DAB1: variants seen among roughly 807,000 people sequenced by gnomAD.
DAB1 encodes the protein disabled homolog 1.
In DAB1, 15 loss-of-function variants were observed where a neutral mutation model predicts 64.6. The observed-to-expected ratio is 0.23, with a 90% CI of 0.16 to 0.36. The LOEUF (loss-of-function observed/expected upper bound fraction) is 0.36, where lower values mean the gene tolerates loss of function less well. Ranked by LOEUF, DAB1 falls within the 10% of genes least tolerant of loss-of-function variation. DAB1 has a pLI of 1.00. For synonymous variants in DAB1, 235 were observed against 251.9 expected, an observed-to-expected ratio of 0.93 and a Z score of 0.64; for missense variants, 596 against 706.7, an observed-to-expected ratio of 0.84 and a Z score of 1.78.
intron 5 of DAB1, among the ~76,000 whole-genome samples, chr1:58,031,989 C>CGTGT (rs59449665): frequency 0.033 from 4,729 of 141,796 alleles, 100 homozygotes; most frequent in Middle Eastern, 0.077. Context: ...CTGATAGAAA[C>CGTGT]GTGTGTGTGT....
chr1:58,369,397 T>G (rs781765111), intron 3 of DAB1, among the ~76,000 whole-genome samples: 3 of 152,352 alleles, frequency 2.0e-5, no homozygotes, highest in Admixed American at 2.0e-4. Flanking sequence ...ATTTCTGAGA[T>G]CTTGATGAAC....
intron 4 of DAB1, among the ~76,000 whole-genome samples, chr1:57,075,426 T>C (rs985976473): frequency 6.6e-6 from 1 of 152,240 alleles, no homozygotes; most frequent in African/African-American, 2.4e-5. Context: ...TTTTATGACA[T>C]GTTAAAAAGG....
At chr1:57,541,027 G>A (rs2805850) in intron 7 of DAB1, among the ~76,000 whole-genome samples, 135,616 of 152,270 alleles carry the variant, frequency 0.89, 62,522 homozygotes, top group East Asian at 1. Context: ...ATGGAGATCC[G>A]AAACACTCTG....
At chr1:58,300,588 GAAAGAAAGAAAGAAAGAAAGAA>G (rs1557725971) in intron 4 of DAB1, among the ~76,000 whole-genome samples, 1,976 of 26,376 alleles carry the variant, frequency 0.075, 71 homozygotes, top group Middle Eastern at 0.17. Flanking sequence ...AAGAAAGAAA[GAAAGAAAGAAAGAAAGAAAGAA>G]AGAGAGAGAG....
chr1:57,912,895 A>C (rs1283205650), intron 5 of DAB1, among the ~76,000 whole-genome samples: 3 of 152,350 alleles, frequency 2.0e-5, no homozygotes, highest in Middle Eastern at 3.4e-3. Context: ...AGGGATGTGA[A>C]GGACCTCTTC....
At chr1:57,405,589 C>G (rs528653875) in intron 1 of DAB1, among the ~76,000 whole-genome samples, 2 of 152,186 alleles carry the variant, frequency 1.3e-5, no homozygotes, top group Non-Finnish European at 2.9e-5. Flanking sequence ...GGATTTCACA[C>G]GAAAACAAGA....
intron 3 of DAB1, among the ~76,000 whole-genome samples, chr1:57,139,962 C>G (rs1428465684): frequency 6.6e-6 from 1 of 152,112 alleles, no homozygotes; most frequent in Non-Finnish European, 1.5e-5. Context: ...CCCATCTTAT[C>G]AAGCATGTTT....
chr1:58,210,757 C>T (rs1406774817), intron 4 of DAB1, among the ~76,000 whole-genome samples: 2 of 152,080 alleles, frequency 1.3e-5, no homozygotes, highest in Non-Finnish European at 2.9e-5. Flanking sequence ...TGTTGGTGAG[C>T]ATAACTTACT....
rs749024386 is a variant in DAB1 at position 57,443,624 on chromosome 1, C to T, written n.626-152458G>A. On this transcript the variant is annotated intron_variant and non_coding_transcript_variant, in intron 7 of 20. Transcript: ENST00000485760. ...TGTATCACTTAGTTATTATTAATCC[C>T]CATATTATGAGCACACTTGTTAAAT... Among the ~76,000 whole-genome samples the T allele has an allele frequency of 2.0e-5, 3 of 152,178 alleles. No homozygotes were observed. In the South Asian group the frequency reaches 6.2e-4, roughly 32 times the overall value.
chr1:58,526,678 T>C (rs1035583769), intron 2 of DAB1, among the ~76,000 whole-genome samples: 1 of 150,522 alleles, frequency 6.6e-6, no homozygotes, highest in Non-Finnish European at 1.5e-5. Flanking sequence ...ATTTAAATGG[T>C]AGAAAATCAG....
intron 7 of DAB1, among the ~76,000 whole-genome samples, chr1:57,635,941 AC>A (rs1646047783): frequency 6.6e-6 from 1 of 151,684 alleles, no homozygotes; most frequent in Admixed American, 6.6e-5. Context: ...TAAAAATACA[AC>A]AAAAATTAGC....
intron 3 of DAB1, among the ~76,000 whole-genome samples, chr1:58,502,880 G>A (rs979238280): frequency 2.0e-5 from 3 of 152,082 alleles, no homozygotes; most frequent in Non-Finnish European, 4.4e-5. Flanking sequence ...AATTATATGA[G>A]GTTTTCAAAT....
At chr1:57,474,971 T>C (rs1270934890) in intron 7 of DAB1, among the ~76,000 whole-genome samples, 1 of 152,078 alleles carries the variant, frequency 6.6e-6, no homozygotes, top group Non-Finnish European at 1.5e-5. Context: ...TAAGAAGAAA[T>C]TGGCCTGGCT....
intron 7 of DAB1, among the ~76,000 whole-genome samples, chr1:57,616,946 C>G (rs1274652313): frequency 1.3e-5 from 2 of 152,142 alleles, no homozygotes; most frequent in African/African-American, 4.8e-5. Context: ...GTGGAGGAAC[C>G]TGAGGGTACG....
At chr1:57,173,465 T>C (rs530956310) in intron 2 of DAB1, among the ~76,000 whole-genome samples, 3 of 152,320 alleles carry the variant, frequency 2.0e-5, no homozygotes, top group Admixed American at 2.0e-4. Context: ...ATATGAAACA[T>C]AAATTTCATG....
chr1:58,213,689 C>T (rs991586311), intron 4 of DAB1, among the ~76,000 whole-genome samples: 2 of 152,180 alleles, frequency 1.3e-5, no homozygotes, highest in African/African-American at 4.8e-5. Flanking sequence ...CATAGCCAAA[C>T]CATATCACTT....
chr1:57,864,386 C>T (rs1229639289), intron 1 of DAB1: 1 of 152,146 alleles, frequency 6.6e-6, no homozygotes, highest in East Asian at 1.9e-4. Flanking sequence ...AGAGCAACTC[C>T]ATAAGATAAG....
At chr1:57,830,305 C>G (rs1157811698) in intron 1 of DAB1, among the ~76,000 whole-genome samples, 1 of 152,180 alleles carries the variant, frequency 6.6e-6, no homozygotes, top group African/African-American at 2.4e-5. Flanking sequence ...TTCTTACTCC[C>G]TACCAAGCAC....
intron 5 of DAB1, among the ~76,000 whole-genome samples, chr1:58,043,334 G>T (rs1647168084): frequency 6.6e-6 from 1 of 152,050 alleles, no homozygotes; most frequent in East Asian, 1.9e-4. Context: ...ATGCCTTTAG[G>T]TACTATAAAA....
Sources: allele counts gnomAD v4.1 joint callset (sites outside exome capture counted in the v4.1 genomes callset), GRCh38; gene constraint gnomAD v4.1.1; transcripts MANE v1.5; gene names NCBI Gene and HGNC (gene_info 2026-07-23, HGNC 2026-07-21).